Variants in FOXP1 observed in about 807,000 individuals in gnomAD.
FOXP1 encodes the protein forkhead box P1, also known as forkhead box protein P1.
FOXP1 carries 15 observed loss-of-function variants against 98.2 expected under a neutral mutation model. The observed-to-expected ratio is 0.15, with a 90% confidence interval of 0.10 to 0.24. The LOEUF is 0.24. FOXP1 is among the 10% of genes least tolerant of loss of function. The pLI is 1.00. For missense variants in FOXP1, 633 were observed against 848.5 expected (o/e 0.75, Z 3.15); for synonymous variants, 371 against 314.5 (o/e 1.18, Z -1.90).
intron 4 of FOXP1, among the ~76,000 whole-genome samples, chr3:71,349,648 A>C (rs1471208432): frequency 6.6e-6 from 1 of 152,206 alleles, no homozygotes; most frequent in Admixed American, 6.5e-5. Context: ...AAATAAAAAA[A>C]AAAATTCCAT....
At position 70,965,941 on chromosome 3, in the gene FOXP1, G is replaced by T. The variant is rs1318614471; in HGVS notation, c.1838C>A (p.Thr613Asn). The change falls in exon 20 of 21, where the codon ACC becomes AAC. Residue 613 changes from threonine to asparagine, a missense_variant. Thr to Asn is a moderately conservative substitution (Grantham distance 65). Around this residue, in one of 6 missense-constraint regions of FOXP1, gnomAD observed 150 missense variants for 163.7 expected, o/e 0.92. Coordinates refer to ENST00000649528, the MANE Select transcript of FOXP1 (RefSeq NM_001349338.3). ...REELNGAMEH[T>N]NSNESDSSPG... is the part of the protein sequence containing the mutation. ...ACTGCTGTCACTCTCGTTGCTGTTG[G>T]TATGCTCCATTGCCCCGTTCAGCTC... 2 of 1,614,126 alleles carry T rather than the reference G, an allele frequency of 1.2e-6. No individual in the cohort carries two copies. The highest frequency in any genetic ancestry group is 8.5e-7 in the Non-Finnish European group (1 of 1,180,002).
At chr3:70,983,100 G>T (rs775774316) in intron 14 of FOXP1, among the ~76,000 whole-genome samples, 1 of 152,202 alleles carries the variant, frequency 6.6e-6, no homozygotes, top group East Asian at 1.9e-4. Context: ...TTACCAGGCC[G>T]TGCGGAGGGC....
chr3:70,972,822 T>A (rs2036554164), intron 17 of FOXP1, 146 bp from the exon 18 acceptor site: 1 of 769,026 alleles, frequency 1.3e-6, no homozygotes, highest in East Asian at 2.7e-5. Context: ...CTTCTCATGG[T>A]TAAGGATGTC....
At chr3:71,528,545 C>T (rs964269113) in intron 2 of FOXP1, among the ~76,000 whole-genome samples, 3 of 152,182 alleles carry the variant, frequency 2.0e-5, no homozygotes, top group African/African-American at 7.2e-5. Context: ...GGACTGCTGG[C>T]GTTCCACTCC....
At chr3:71,210,522 A>G (rs1469544046) in intron 5 of FOXP1, among the ~76,000 whole-genome samples, 1 of 152,238 alleles carries the variant, frequency 6.6e-6, no homozygotes, top group Non-Finnish European at 1.5e-5. Context: ...AGAGACATCA[A>G]GAACTTCCCT....
At chr3:71,392,540 A>G (rs935834267) in intron 3 of FOXP1, among the ~76,000 whole-genome samples, 1 of 152,228 alleles carries the variant, frequency 6.6e-6, no homozygotes, top group Non-Finnish European at 1.5e-5. Context: ...GCTAACTTGC[A>G]TATTTCTCCA....
rs149177198 is a variant in FOXP1 at position 71,312,865 on chromosome 3, C to A, written c.-72-12985G>T. Reference sequence around the variant, plus strand: ...AATTAGCTGGGCATGGTGGTGCTTGCCTGTAGTCCCAGGTACTCAGGAGGC... The same window carrying A: ...AATTAGCTGGGCATGGTGGTGCTTGACTGTAGTCCCAGGTACTCAGGAGGC... On this transcript the variant is annotated intron_variant, in intron 4 of 20. Coordinates refer to ENST00000649528, the MANE Select transcript of FOXP1 (RefSeq NM_001349338.3). 2.6e-4 allele frequency among the ~76,000 whole-genome samples: 40 copies of A among 152,146 alleles called. 1 individual carries two copies. The East Asian group carries it at 7.6e-3, about 29-fold the overall frequency.
chr3:71,568,135 C>T lies in FOXP1; in HGVS notation c.-298+13414G>A, dbSNP rs968859261. Among the ~76,000 whole-genome samples the T allele has an allele frequency of 2.6e-5, 4 of 151,670 alleles. No individual in the cohort carries two copies. In the South Asian group the frequency reaches 8.4e-4, roughly 32 times the overall value. On this transcript the variant is annotated intron_variant, in intron 2 of 20. Transcript: ENST00000649528. ...AGGGAAGGGGAGGGAAGGAAAGAAACTCGAGCAGGATTCGCCTCCCTCATG... is the reference window on the plus strand; with the variant it reads ...AGGGAAGGGGAGGGAAGGAAAGAAATTCGAGCAGGATTCGCCTCCCTCATG...
chr3:71,008,085 G>C (rs549377605), intron 12 of FOXP1, among the ~76,000 whole-genome samples: 3 of 152,104 alleles, frequency 2.0e-5, no homozygotes, highest in Non-Finnish European at 4.4e-5. Flanking sequence ...TTTAGTAGAC[G>C]TTATACAAGT....
intron 6 of FOXP1, among the ~76,000 whole-genome samples, chr3:71,141,178 C>A (rs756226627): frequency 7.0e-6 from 1 of 143,776 alleles, no homozygotes; most frequent in Non-Finnish European, 1.5e-5. Flanking sequence ...TGAGGCAGGA[C>A]AATCAGTTGA....
At position 71,206,696 on chromosome 3, in the gene FOXP1, C is replaced by A. The variant is rs1216983160; in HGVS notation, c.-11-8304G>T. Among the ~76,000 whole-genome samples the A allele has an allele frequency of 7.9e-5, 12 of 152,234 alleles. No individual in the cohort carries two copies. In the East Asian group the frequency reaches 2.3e-3, roughly 29 times the overall value. ...ACTGTAAATGTCTTATTCTTCAGAA[C>A]TGTCTTCATCAAACTTTCTTGGATA... On this transcript the variant is annotated intron_variant, in intron 5 of 20. Coordinates refer to ENST00000649528, the MANE Select transcript of FOXP1 (RefSeq NM_001349338.3).
In FOXP1 at chr3:71,015,617, G is replaced by A; in HGVS notation, c.906C>T (p.Leu302=). ...GCCACTTGCATACACCATGTCCATA[G>A]AGAGGATGGCTATGGGGGTGCTCCT... ...SHEEHPHSHP[L]YGHGVCKWPG... Residue 302 remains leucine (L), a synonymous_variant, in exon 12 of 21, where the codon CTC becomes CTT. Coordinates refer to ENST00000649528, the MANE Select transcript of FOXP1 (RefSeq NM_001349338.3). 1 of 1,612,992 alleles carries A rather than the reference G, an allele frequency of 6.2e-7. No individual in the cohort carries two copies. The highest frequency in any genetic ancestry group is 8.5e-7 in the Non-Finnish European group (1 of 1,179,140).
chr3:71,382,667 C>T (rs2080267533), intron 3 of FOXP1, among the ~76,000 whole-genome samples: 1 of 152,178 alleles, frequency 6.6e-6, no homozygotes, highest in South Asian at 2.1e-4. Flanking sequence ...TGAAGATAAG[C>T]CAACACCATG....
chr3:71,577,234 C>T (rs1434445290), intron 2 of FOXP1, among the ~76,000 whole-genome samples: 2 of 152,162 alleles, frequency 1.3e-5, no homozygotes, highest in Admixed American at 6.5e-5. Flanking sequence ...CATGCACTTT[C>T]CCCCATTGTA....
At chr3:71,203,761 T>G (rs2063812098) in intron 5 of FOXP1, among the ~76,000 whole-genome samples, 1 of 152,172 alleles carries the variant, frequency 6.6e-6, no homozygotes, top group Admixed American at 6.5e-5. Flanking sequence ...TCTATTTCTA[T>G]GGGGAGAAGA....
At chr3:71,572,484 T>C (rs976350809) in intron 2 of FOXP1, 1 of 137,832 alleles carries the variant, frequency 7.3e-6, no homozygotes, top group South Asian at 2.2e-4. Context: ...GCTACATGTA[T>C]CCACATGGAT....
chr3:71,490,323 C>T (rs984450682), intron 3 of FOXP1, among the ~76,000 whole-genome samples: 3 of 152,060 alleles, frequency 2.0e-5, no homozygotes, highest in Non-Finnish European at 2.9e-5. Context: ...ATAATTAAAC[C>T]CTGTCTCTAC....
At chr3:70,969,004 TGAA>T (rs1460209327) in intron 19 of FOXP1, 2 of 152,198 alleles carry the variant, frequency 1.3e-5, no homozygotes, top group African/African-American at 4.8e-5. Flanking sequence ...TTTGGGCTAC[TGAA>T]GAAGATGCCA....
intron 7 of FOXP1, among the ~76,000 whole-genome samples, chr3:71,092,170 A>G (rs2055934649): frequency 6.6e-6 from 1 of 151,776 alleles, no homozygotes; most frequent in Admixed American, 6.6e-5. Flanking sequence ...CCTGGGCGAC[A>G]GAGTGAGAGA....
Sources: allele counts gnomAD v4.1 joint callset (sites outside exome capture counted in the v4.1 genomes callset), GRCh38; gene constraint gnomAD v4.1.1; regional missense constraint gnomAD v4.1.1; transcripts MANE v1.5; gene names NCBI Gene and HGNC (gene_info 2026-07-23, HGNC 2026-07-21).